KAT2B: variants seen among roughly 807,000 people sequenced by gnomAD.
The protein encoded by KAT2B is histone acetyltransferase KAT2B.
In KAT2B, 36 loss-of-function variants were observed where a neutral mutation model predicts 105.9. The ratio of observed to expected loss-of-function variants is 0.34; its 90% CI spans 0.26 to 0.45. The LOEUF (loss-of-function observed/expected upper bound fraction) is 0.45. Ranked by LOEUF, KAT2B falls within the 20% of genes least tolerant of loss-of-function variation. The pLI, the probability that KAT2B is intolerant of heterozygous loss-of-function variation, is 1.00. For synonymous variants in KAT2B, 397 were observed against 377.9 expected (o/e 1.05, Z -0.59); for missense variants, 820 against 1,021.6 (o/e 0.80, Z 2.69).
At chr3:20,115,060 C>T in intron 7 of KAT2B, 72 bp downstream of exon 7, 1 of 875,770 alleles carries the variant, frequency 1.1e-6, no homozygotes, top group Non-Finnish European at 1.9e-6. Flanking sequence ...CAGTTCACTG[C>T]AACTTATACT....
At chr3:20,109,349 C>T (rs955997951) in intron 5 of KAT2B, among the ~76,000 whole-genome samples, 2 of 152,104 alleles carry the variant, frequency 1.3e-5, no homozygotes, top group Non-Finnish European at 2.9e-5. Context: ...CATTCTGTCA[C>T]TCTGTCACCC....
intron 2 of KAT2B, among the ~76,000 whole-genome samples, chr3:20,093,263 C>T (rs1401160633): frequency 6.6e-6 from 1 of 152,156 alleles, no homozygotes; most frequent in Admixed American, 6.5e-5. Flanking sequence ...CCAGCTCTCA[C>T]TGTGGGCAAT....
chr3:20,068,955 C>T (rs1242005081), intron 1 of KAT2B, among the ~76,000 whole-genome samples: 2 of 152,096 alleles, frequency 1.3e-5, no homozygotes, highest in Non-Finnish European at 2.9e-5. Flanking sequence ...TATGCGGCAA[C>T]TAAGAGAGGT....
At chr3:20,127,370 T>C in intron 10 of KAT2B, 53 bp from the exon 11 acceptor site, 1 of 1,517,604 alleles carries the variant, frequency 6.6e-7, no homozygotes, top group South Asian at 1.1e-5. Context: ...CCCCAAAAAG[T>C]ATATTTATAT....
intron 8 of KAT2B, 40 bp downstream of exon 8, chr3:20,119,763 C>T (rs746201534): frequency 6.2e-7 from 1 of 1,608,000 alleles, no homozygotes; most frequent in Non-Finnish European, 8.5e-7. Flanking sequence ...CTGTGACTTG[C>T]TCCAGGAGCT....
intron 2 of KAT2B, among the ~76,000 whole-genome samples, chr3:20,078,619 T>A (rs951347830): frequency 3.3e-5 from 5 of 152,030 alleles, no homozygotes; most frequent in African/African-American, 9.7e-5. Flanking sequence ...GGTCAAGCGA[T>A]CTGCCCACCT....
chr3:20,046,948 C>G (rs1455487841), intron 1 of KAT2B, among the ~76,000 whole-genome samples: 2 of 152,090 alleles, frequency 1.3e-5, no homozygotes, highest in Non-Finnish European at 2.9e-5. Context: ...ATGCACAGGA[C>G]AACTCCCCCC....
intron 2 of KAT2B, among the ~76,000 whole-genome samples, chr3:20,094,451 A>G (rs979048594): frequency 6.6e-6 from 1 of 152,160 alleles, no homozygotes; most frequent in African/African-American, 2.4e-5. Flanking sequence ...GCCAAACCAT[A>G]TCAGAGCCTT....
chr3:20,093,543 C>G (rs553301361), intron 2 of KAT2B, among the ~76,000 whole-genome samples: 1 of 152,238 alleles, frequency 6.6e-6, no homozygotes, highest in Admixed American at 6.5e-5. Context: ...TCCTCTATCC[C>G]AGGCTTCTGA....
rs1699784565 is a variant in KAT2B at position 20,146,421 on chromosome 3, C to T, written c.2110C>T (p.Pro704Ser). 4 of 1,600,912 alleles carry T rather than the reference C, an allele frequency of 2.5e-6. No individual in the cohort carries two copies. The highest frequency in any genetic ancestry group is 3.4e-6 in the Non-Finnish European group (4 of 1,168,360). The change falls in exon 14 of 18, where the codon CCT becomes TCT. Residue 704 changes from proline to serine, a missense_variant. This residue lies in a region of KAT2B where 227 missense variants were observed against 292.9 expected (regional missense o/e 0.77). Transcript: ENST00000263754. ...GVRQIPIESI[P>S]GIRETGWKPS... Reference sequence around the variant, plus strand: ...TCGACAGATTCCTATAGAAAGCATTCCTGGAATTAGTACGTATAGACCTTC... The same window carrying T: ...TCGACAGATTCCTATAGAAAGCATTTCTGGAATTAGTACGTATAGACCTTC...
intron 1 of KAT2B, among the ~76,000 whole-genome samples, chr3:20,068,142 G>A (rs2948096): frequency 0.49 from 73,293 of 150,580 alleles, 18,763 homozygotes; most frequent in East Asian, 0.73. Context: ...GATTACAGGT[G>A]TGCACCACCA....
At chr3:20,121,277 G>A (rs1413415314) in intron 8 of KAT2B, among the ~76,000 whole-genome samples, 3 of 152,212 alleles carry the variant, frequency 2.0e-5, no homozygotes, top group Non-Finnish European at 4.4e-5. Context: ...TAGAGATAGT[G>A]AGAATGCTAT....
chr3:20,129,874 A>C (rs1438946171), intron 11 of KAT2B, among the ~76,000 whole-genome samples: 1 of 152,174 alleles, frequency 6.6e-6, no homozygotes, highest in Non-Finnish European at 1.5e-5. Context: ...AAGTCCCTGA[A>C]AGGAATCATT....
At chr3:20,134,943 A>T (rs1029683443) in intron 11 of KAT2B, among the ~76,000 whole-genome samples, 2 of 152,208 alleles carry the variant, frequency 1.3e-5, no homozygotes, top group Non-Finnish European at 2.9e-5. Flanking sequence ...GTTAGTAATG[A>T]GAATTTTTTT....
chr3:20,062,009 T>TATAAAAC (rs1452236430), intron 1 of KAT2B, among the ~76,000 whole-genome samples: 14,665 of 99,334 alleles, frequency 0.15, 2,451 homozygotes, highest in Non-Finnish European at 0.23. Flanking sequence ...ACATATAATA[T>TATAAAAC]ATATTATATA....
intron 1 of KAT2B, among the ~76,000 whole-genome samples, chr3:20,055,437 A>G (rs1448963612): frequency 6.6e-6 from 1 of 152,160 alleles, no homozygotes; most frequent in Non-Finnish European, 1.5e-5. Context: ...AGAGAATGAA[A>G]ACAGAGAATT....
intron 1 of KAT2B, among the ~76,000 whole-genome samples, chr3:20,041,667 G>T (rs992354392): frequency 6.6e-6 from 1 of 152,166 alleles, no homozygotes; most frequent in Non-Finnish European, 1.5e-5. Context: ...TTTTGACAGG[G>T]TGACAGCTGA....
At chr3:20,059,957 A>T (rs986694555) in intron 1 of KAT2B, among the ~76,000 whole-genome samples, 1 of 152,078 alleles carries the variant, frequency 6.6e-6, no homozygotes, top group African/African-American at 2.4e-5. Context: ...CCTTTTCTGG[A>T]TGGTCATGTA....
rs150512785 is a variant in KAT2B at position 20,124,868 on chromosome 3, TGAA to T, written c.1414-1034_1414-1032del. Among the ~76,000 whole-genome samples, 354 of 152,268 alleles carry T rather than the reference TGAA, an allele frequency of 2.3e-3. 1 individual carries two copies. The highest frequency in any genetic ancestry group is 8.3e-3 in the African/African-American group (344 of 41,562). On this transcript the variant is annotated intron_variant, in intron 9 of 17. Coordinates refer to ENST00000263754, the MANE Select transcript of KAT2B (RefSeq NM_003884.5). ...GTCACCAGTTAGGGCCTTCCTTCCT[TGAA>T]GAGCTGTTTGTGGAGCATCTACTTG...
Sources: allele counts gnomAD v4.1 joint callset (sites outside exome capture counted in the v4.1 genomes callset), GRCh38; gene constraint gnomAD v4.1.1; regional missense constraint gnomAD v4.1.1; transcripts MANE v1.5; gene names NCBI Gene and HGNC (gene_info 2026-07-23, HGNC 2026-07-21).